Variants in RALGPS1 observed in about 807,000 individuals in gnomAD.
RALGPS1 encodes the protein Ral GEF with PH domain and SH3 binding motif 1, also known as ras-specific guanine nucleotide-releasing factor RalGPS1.
In RALGPS1, 19 loss-of-function variants were observed where a neutral mutation model predicts 78.8. The observed-to-expected ratio is 0.24, with a 90% CI of 0.17 to 0.35. The LOEUF (loss-of-function observed/expected upper bound fraction) is 0.35, where lower values mean the gene tolerates loss of function less well. Ranked by LOEUF, RALGPS1 falls within the 10% of genes least tolerant of loss-of-function variation. The pLI is 1.00. For missense variants in RALGPS1, 454 were observed against 688.3 expected (o/e 0.66, Z 3.81); for synonymous variants, 228 against 256.3 (o/e 0.89, Z 1.06).
At chr9:127,018,331 A>C (rs2045082829) in intron 4 of RALGPS1, among the ~76,000 whole-genome samples, 1 of 149,572 alleles carries the variant, frequency 6.7e-6, no homozygotes, top group Non-Finnish European at 1.5e-5. Context: ...AAACAGTAGA[A>C]GGAGCACATT....
chr9:126,958,809 A>C (rs1320409409), intron 1 of RALGPS1, among the ~76,000 whole-genome samples: 1 of 152,086 alleles, frequency 6.6e-6, no homozygotes, highest in Non-Finnish European at 1.5e-5. Context: ...TCATGTGATA[A>C]ATTTATATTT....
At chr9:127,161,225 C>G (rs971650709) in intron 8 of RALGPS1, among the ~76,000 whole-genome samples, 1 of 152,258 alleles carries the variant, frequency 6.6e-6, no homozygotes, top group Non-Finnish European at 1.5e-5. Flanking sequence ...GCGCCATCCA[C>G]GGTTGTGGCA....
chr9:127,143,388 T>G (rs907729096), intron 8 of RALGPS1, among the ~76,000 whole-genome samples: 2 of 152,226 alleles, frequency 1.3e-5, no homozygotes, highest in African/African-American at 4.8e-5. Context: ...AATTAAATGA[T>G]AACTGGATTT....
intron 4 of RALGPS1, chr9:126,989,902 C>T (rs1319590176): frequency 6.5e-7 from 1 of 1,550,346 alleles, no homozygotes; most frequent in South Asian, 1.2e-5. Context: ...GAAAGGCTGG[C>T]CTGCCAGAAT....
intron 11 of RALGPS1, among the ~76,000 whole-genome samples, chr9:127,180,568 G>A (rs760228412): frequency 2.5e-4 from 38 of 152,212 alleles, no homozygotes; most frequent in Non-Finnish European, 7.3e-5. Flanking sequence ...GGGTCTCTGG[G>A]GAAGTCCCCT....
At chr9:127,007,635 G>T (rs1371461938) in intron 4 of RALGPS1, among the ~76,000 whole-genome samples, 1 of 152,158 alleles carries the variant, frequency 6.6e-6, no homozygotes, top group African/African-American at 2.4e-5. Flanking sequence ...GGCAGAGGGA[G>T]CAGCATGTAC....
rs373260018 is a variant in RALGPS1, at chr9:127,200,281, G to T, written c.1247+1215G>T. Among the ~76,000 whole-genome samples, 8 of 152,354 alleles carry T rather than the reference G, an allele frequency of 5.3e-5. No homozygotes were observed. In the East Asian group the frequency reaches 1.4e-3, roughly 26 times the overall value. Reference sequence around the variant, plus strand: ...CCCAGGGCAGACGGGCTGCCTGCTGGTCAGTGCTCTTGGTTGAGCATGGCC... The same window carrying T: ...CCCAGGGCAGACGGGCTGCCTGCTGTTCAGTGCTCTTGGTTGAGCATGGCC... On this transcript the variant is annotated intron_variant, in intron 14 of 18. Transcript: ENST00000259351.
At chr9:127,037,893 C>A (rs996062860) in intron 5 of RALGPS1, among the ~76,000 whole-genome samples, 1 of 152,186 alleles carries the variant, frequency 6.6e-6, no homozygotes, top group Non-Finnish European at 1.5e-5. Flanking sequence ...AACAGGCCTT[C>A]CTATGGAGGA....
intron 18 of RALGPS1, among the ~76,000 whole-genome samples, chr9:127,216,331 G>A (rs998132791): frequency 6.6e-6 from 1 of 152,240 alleles, no homozygotes; most frequent in Non-Finnish European, 1.5e-5. Context: ...CCACAGGGAG[G>A]TTCCAAATAG....
intron 1 of RALGPS1, among the ~76,000 whole-genome samples, chr9:126,946,167 C>G (rs2037246360): frequency 6.6e-6 from 1 of 151,870 alleles, no homozygotes; most frequent in Admixed American, 6.6e-5. Context: ...CCGTGATGGC[C>G]CAGGACAGAG....
At chr9:127,065,052 G>A (rs931029323) in intron 7 of RALGPS1, among the ~76,000 whole-genome samples, 2 of 151,774 alleles carry the variant, frequency 1.3e-5, no homozygotes, top group African/African-American at 2.4e-5. Context: ...CAATCCTCCC[G>A]CCACAGCCTC....
rs949669081 is a variant in RALGPS1 at position 127,002,853 on chromosome 9, G to A, written c.216+25108G>A. ...TCTTAATCCAGTCTATCATTGTTGG[G>A]CATTTGGGTTGGTTCCAAGTCTTTG... On this transcript the variant is annotated intron_variant, in intron 4 of 18. Coordinates refer to ENST00000259351, the MANE Select transcript of RALGPS1 (RefSeq NM_014636.3). Among the ~76,000 whole-genome samples the A allele has an allele frequency of 7.9e-5, 12 of 151,912 alleles. No homozygotes were observed. In the South Asian group the frequency reaches 1.2e-3, roughly 16 times the overall value.
rs562385542 is a variant in RALGPS1 at position 127,213,557 on chromosome 9, G to A, written c.1552+508G>A. Among the ~76,000 whole-genome samples, 156 of 152,348 alleles carry A rather than the reference G, an allele frequency of 1.0e-3. 2 individuals are homozygous for A. Among genetic ancestry groups the A allele is most frequent in the African/African-American group, 3.6e-3 (150 of 41,574 alleles). Reference sequence around the variant, plus strand: ...CACTTCATGATCATGCTGGGAAGGAGGAGAGATTCTGGATGCCATCCTGTC... The same window carrying A: ...CACTTCATGATCATGCTGGGAAGGAAGAGAGATTCTGGATGCCATCCTGTC... On this transcript the variant is annotated intron_variant, in intron 17 of 18. Transcript: ENST00000259351.
intron 8 of RALGPS1, among the ~76,000 whole-genome samples, chr9:127,143,763 G>T (rs549919935): frequency 6.6e-6 from 1 of 152,326 alleles, no homozygotes; most frequent in South Asian, 2.1e-4. Context: ...GTTAAGTCAT[G>T]ATGTATAATT....
At chr9:126,972,181 G>A (rs560034248) in intron 3 of RALGPS1, among the ~76,000 whole-genome samples, 6 of 152,316 alleles carry the variant, frequency 3.9e-5, no homozygotes, top group Non-Finnish European at 7.3e-5. Flanking sequence ...CAAGAGCTAG[G>A]TAGAAGAAGC....
At chr9:127,192,581 C>G (rs1018737628) in intron 11 of RALGPS1, among the ~76,000 whole-genome samples, 1 of 151,952 alleles carries the variant, frequency 6.6e-6, no homozygotes, top group Non-Finnish European at 1.5e-5. Flanking sequence ...GCTGGTGAGC[C>G]GGGGAGGTCG....
chr9:127,069,291 A>T lies in RALGPS1; in HGVS notation c.545A>T (p.Asp182Val). 6.2e-7 allele frequency: 1 copy of T among 1,613,792 alleles called. No homozygotes were observed. The highest frequency in any genetic ancestry group is 8.5e-7 in the Non-Finnish European group (1 of 1,179,630). The change falls in exon 8 of 19, where the codon GAT (aspartate) becomes GTT (valine). Residue 182 changes from aspartate (D) to valine (V), a missense_variant. Coordinates refer to ENST00000259351, the MANE Select transcript of RALGPS1 (RefSeq NM_014636.3). The part of the protein sequence containing the change: ...EKLDYLMSKE[D>V]NYKRTREYIR... Reference sequence around the variant, plus strand: ...TTGGACTACCTGATGTCGAAAGAAGATAATTACAAGCGGACACGGGAATAT... The same window carrying T: ...TTGGACTACCTGATGTCGAAAGAAGTTAATTACAAGCGGACACGGGAATAT...
intron 5 of RALGPS1, among the ~76,000 whole-genome samples, chr9:127,035,828 A>G (rs1489715159): frequency 6.6e-6 from 1 of 152,196 alleles, no homozygotes; most frequent in Non-Finnish European, 1.5e-5. Flanking sequence ...TTTTGAAAAG[A>G]GAAGTTCCAA....
intron 8 of RALGPS1, among the ~76,000 whole-genome samples, chr9:127,165,526 T>C (rs1482362284): frequency 2.6e-5 from 4 of 152,272 alleles, no homozygotes; most frequent in Non-Finnish European, 5.9e-5. Context: ...TTAAGCACGA[T>C]TGGCCAAATT....
Sources: gnomAD v4.1 joint callset for allele counts (sites outside exome capture counted in the v4.1 genomes callset) on GRCh38, gnomAD v4.1.1 for gene constraint, MANE v1.5 for transcripts, NCBI Gene and HGNC (gene_info 2026-07-23, HGNC 2026-07-21) for gene names.